The following DISC1 variants were observed in gnomAD, a reference collection of about 807,000 sequenced individuals.
DISC1 encodes the protein DISC1 scaffold protein.
A neutral mutation model predicts 84.5 loss-of-function variants in DISC1; 57 were observed. The observed-to-expected ratio is 0.67, with a 90% CI of 0.55 to 0.84. The LOEUF is 0.84. Ranked by LOEUF, DISC1 falls within the 40% of genes least tolerant of loss-of-function variation. The pLI, the probability that DISC1 is intolerant of heterozygous loss-of-function variation, is 0.00. For missense variants in DISC1, 1,000 were observed against 1,057.8 expected (o/e 0.95, Z 0.76); for synonymous variants, 411 against 415.2 (o/e 0.99, Z 0.12).
rs114211008 is a variant in DISC1 at position 231,709,818 on chromosome 1, G to A, written c.1117+7794G>A. On this transcript the variant is annotated intron_variant, in intron 3 of 12. Coordinates refer to ENST00000439617, the MANE Select transcript of DISC1 (RefSeq NM_018662.3). ...ATTCACGTTTTATGCATCTGCCTAT[G>A]AGAATCTGTAAGAGACACAAGCTGT... 9.3e-3 allele frequency among the ~76,000 whole-genome samples: 1,415 copies of A among 152,316 alleles called. 24 individuals carry two copies. Among genetic ancestry groups the A allele is most frequent in the African/African-American group, 0.032 (1,320 of 41,552 alleles).
rs1348940208 is a variant in DISC1 at position 232,031,519 on chromosome 1, GA to G, written c.2425+4971del. 1.3e-5 allele frequency among the ~76,000 whole-genome samples: 2 copies of G among 151,746 alleles called. No individual in the cohort carries two copies. Among genetic ancestry groups the G allele is most frequent in the Non-Finnish European group, 2.9e-5 (2 of 67,932 alleles). On this transcript the variant is annotated intron_variant, in intron 12 of 12. Transcript: ENST00000439617. This position sits in a 1 kb window ranked among gnomAD's most constrained non-coding sequence, Gnocchi z 4.6. ...AAGAAAGGAAAGGAAAGGAAAGAAA[GA>G]AAAGGAAAGGAAAGAAAGAAAACCC...
At position 232,041,134 on chromosome 1, in the gene DISC1, AT is replaced by A. The variant is rs1444012247; in HGVS notation, c.*4304del. 6.6e-6 allele frequency: 1 copy of A among 152,246 alleles called. No individual in the cohort carries two copies. The highest frequency in any genetic ancestry group is 1.5e-5 in the Non-Finnish European group (1 of 68,044). 9.4% of individuals were successfully genotyped at this position (152,246 alleles called of 1,614,324 possible). A position where few individuals can be genotyped will look rare whatever the true frequency, so the allele number is the denominator to read the frequency against. The stretch of plus-strand genomic sequence containing the variant: ...AAAGCTGATATCCAAGGCATGGTGC[AT>A]CTTGATGATTTTTTGTCCTTTGAAG... On this transcript the variant is annotated 3_prime_UTR_variant, in exon 13 of 13. Transcript: ENST00000439617.
intron 10 of DISC1, among the ~76,000 whole-genome samples, chr1:232,006,547 CA>C (rs1242672328): frequency 6.6e-6 from 1 of 152,088 alleles, no homozygotes; most frequent in African/African-American, 2.4e-5. Context: ...AATGTCTAAG[CA>C]GCAAAGCATT....
chr1:232,028,870 T>G (rs1669729206), intron 12 of DISC1, among the ~76,000 whole-genome samples: 1 of 152,096 alleles, frequency 6.6e-6, no homozygotes, highest in Admixed American at 6.6e-5. Context: ...GAAAAGTCAT[T>G]TAATTATAAT....
At position 231,868,271 on chromosome 1, in the gene DISC1, G is replaced by A. The variant is rs565075409; in HGVS notation, c.1981+49754G>A. Among the ~76,000 whole-genome samples the A allele has an allele frequency of 5.9e-5, 9 of 152,166 alleles. No individual in the cohort carries two copies. The South Asian group carries it at 8.3e-4, about 14-fold the overall frequency. ...TGTCTCCAGTTTTCACTCTTAGTCC[G>A]TATTTTCCCTCCCCTTTTCCACTCT... On this transcript the variant is annotated intron_variant, in intron 9 of 12. Transcript: ENST00000439617.
chr1:231,684,061 C>G (rs1301106327), intron 1 of DISC1, among the ~76,000 whole-genome samples: 1 of 152,104 alleles, frequency 6.6e-6, no homozygotes, highest in African/African-American at 2.4e-5. Flanking sequence ...TCTGCATCTG[C>G]TTGTTGACAT....
At chr1:231,939,925 T>C (rs1296162816) in intron 9 of DISC1, among the ~76,000 whole-genome samples, 3 of 151,886 alleles carry the variant, frequency 2.0e-5, no homozygotes, top group Non-Finnish European at 4.4e-5. Context: ...GTATTTTTAG[T>C]AGAGATGGGG....
At chr1:231,967,558 T>A (rs1270463392) in intron 10 of DISC1, among the ~76,000 whole-genome samples, 1 of 152,222 alleles carries the variant, frequency 6.6e-6, no homozygotes, top group Non-Finnish European at 1.5e-5. Context: ...TTCATTTACT[T>A]ATGTTCTAAT....
chr1:231,833,400 G>A (rs965319722), intron 9 of DISC1, among the ~76,000 whole-genome samples: 1 of 151,630 alleles, frequency 6.6e-6, no homozygotes. Context: ...ACCCTCCACT[G>A]TGAGAGTTAC....
At chr1:231,705,478 C>T (rs560036626) in intron 3 of DISC1, among the ~76,000 whole-genome samples, 4 of 151,796 alleles carry the variant, frequency 2.6e-5, no homozygotes, top group East Asian at 1.9e-4. Flanking sequence ...CGGGGGATTC[C>T]GGCAAAGAGA....
At chr1:231,705,043 T>G (rs571320072) in intron 3 of DISC1, among the ~76,000 whole-genome samples, 2 of 151,376 alleles carry the variant, frequency 1.3e-5, no homozygotes, top group African/African-American at 4.8e-5. Flanking sequence ...TCCCTTAAAA[T>G]ACAGACAGAC....
intron 1 of DISC1, among the ~76,000 whole-genome samples, chr1:231,680,428 G>T (rs931964350): frequency 2.0e-5 from 3 of 152,166 alleles, no homozygotes; most frequent in East Asian, 1.9e-4. Flanking sequence ...GCATATAGCA[G>T]CAGGTTGTTG....
intron 9 of DISC1, chr1:231,925,758 A>T (rs1182595852): frequency 6.6e-6 from 1 of 152,218 alleles, no homozygotes; most frequent in Non-Finnish European, 1.5e-5. Context: ...ACAGACACAC[A>T]GAGGGGAATG....
At chr1:231,930,299 C>T (rs1271713623) in intron 9 of DISC1, among the ~76,000 whole-genome samples, 5 of 152,000 alleles carry the variant, frequency 3.3e-5, no homozygotes, top group Non-Finnish European at 7.4e-5. Context: ...CAGGGTAGCC[C>T]GATGCAGTGG....
intron 6 of DISC1, among the ~76,000 whole-genome samples, chr1:231,779,099 T>G (rs543881396): frequency 1.2e-4 from 19 of 152,276 alleles, no homozygotes; most frequent in African/African-American, 4.6e-4. Flanking sequence ...CCCCTGCACC[T>G]AAAGAGTAAA....
In DISC1 at chr1:231,761,990, C is replaced by T. The variant is rs562138051; in HGVS notation, c.1269-5150C>T. On this transcript the variant is annotated intron_variant, in intron 4 of 12. Coordinates refer to ENST00000439617, the MANE Select transcript of DISC1 (RefSeq NM_018662.3). ...AGGAGGAAGTGCGTTTCGTTCCCAC[C>T]GACATCAGTACCTGATAGTAGTAGG... 1.7e-4 allele frequency among the ~76,000 whole-genome samples: 26 copies of T among 152,290 alleles called. 1 individual carries two copies. The highest frequency in any genetic ancestry group is 6.0e-4 in the African/African-American group (25 of 41,556).
intron 3 of DISC1, chr1:231,721,110 A>G: frequency 7.8e-7 from 1 of 1,288,276 alleles, no homozygotes; most frequent in Non-Finnish European, 1.0e-6. Flanking sequence ...CTCATCTGCC[A>G]AATGAGTACA....
intron 8 of DISC1, among the ~76,000 whole-genome samples, chr1:231,803,377 C>T (rs1210974210): frequency 6.6e-6 from 1 of 152,162 alleles, no homozygotes; most frequent in African/African-American, 2.4e-5. Context: ...AAACAACAAA[C>T]CTTTATCTCT....
intron 9 of DISC1, among the ~76,000 whole-genome samples, chr1:231,847,232 G>T (rs1388035846): frequency 6.6e-6 from 1 of 152,010 alleles, no homozygotes; most frequent in Non-Finnish European, 1.5e-5. Context: ...CCCTTTGTGT[G>T]TGTCTGTGTC....
Sources: gnomAD v4.1 joint callset for allele counts (sites outside exome capture counted in the v4.1 genomes callset) on GRCh38, gnomAD v4.1.1 for gene constraint, Gnocchi (gnomAD v3.1) non-coding constraint, MANE v1.5 for transcripts, NCBI Gene and HGNC (gene_info 2026-07-23, HGNC 2026-07-21) for gene names.